Variants in CEP112 observed in about 807,000 individuals in gnomAD.
The protein encoded by CEP112 is centrosomal protein of 112 kDa.
Under a neutral mutation model 153.0 loss-of-function variants are expected in CEP112, and 127 were observed. The ratio of observed to expected loss-of-function variants is 0.83; its 90% CI spans 0.72 to 0.96. The LOEUF is 0.96. Ranked by LOEUF, CEP112 falls within the 40% of genes least tolerant of loss-of-function variation. The pLI, the probability that CEP112 is intolerant of heterozygous loss-of-function variation, is 0.00. For synonymous variants in CEP112, 358 were observed against 374.4 expected (o/e 0.96, Z 0.51); for missense variants, 1,089 against 1,101.2 (o/e 0.99, Z 0.16).
At chr17:65,827,990 T>C (rs1010268068) in intron 21 of CEP112, among the ~76,000 whole-genome samples, 2 of 152,236 alleles carry the variant, frequency 1.3e-5, no homozygotes, top group African/African-American at 2.4e-5. Flanking sequence ...TCCTTTTCAA[T>C]AGCACTTTGA....
chr17:65,906,481 TAGAAGA>T (rs750320724), intron 19 of CEP112, among the ~76,000 whole-genome samples: 1 of 152,128 alleles, frequency 6.6e-6, no homozygotes, highest in Non-Finnish European at 1.5e-5. Context: ...TATTGTTATT[TAGAAGA>T]AGAAAAGTAT....
intron 17 of CEP112, among the ~76,000 whole-genome samples, chr17:65,969,736 G>A (rs1483004383): frequency 1.3e-5 from 2 of 152,146 alleles, no homozygotes; most frequent in African/African-American, 2.4e-5. Flanking sequence ...TGTATTGCAT[G>A]CATACACTAC....
intron 17 of CEP112, among the ~76,000 whole-genome samples, chr17:65,963,519 T>C (rs1366755316): frequency 6.6e-6 from 1 of 152,086 alleles, no homozygotes; most frequent in Non-Finnish European, 1.5e-5. Flanking sequence ...CCCCACCAAA[T>C]TGAAAACCTC....
intron 17 of CEP112, among the ~76,000 whole-genome samples, chr17:65,974,323 C>T (rs1010672407): frequency 5.9e-5 from 9 of 152,064 alleles, no homozygotes; most frequent in African/African-American, 1.7e-4. Flanking sequence ...GCAATCTGCC[C>T]GCCTTGGCCT....
chr17:65,848,274 T>A (rs1252988338), intron 21 of CEP112, among the ~76,000 whole-genome samples: 1 of 152,206 alleles, frequency 6.6e-6, no homozygotes, highest in Non-Finnish European at 1.5e-5. Flanking sequence ...AAACCCTGTT[T>A]CTGGGCACAC....
chr17:65,837,592 C>G (rs2057366466), intron 21 of CEP112, among the ~76,000 whole-genome samples: 1 of 152,122 alleles, frequency 6.6e-6, no homozygotes, highest in Admixed American at 6.5e-5. Flanking sequence ...GGAGGTGTAC[C>G]CAACAGCTCA....
chr17:65,802,117 G>A (rs556768989), intron 21 of CEP112, among the ~76,000 whole-genome samples: 2 of 152,256 alleles, frequency 1.3e-5, no homozygotes, highest in East Asian at 3.9e-4. Context: ...TGTGGCAGCT[G>A]AAGTTTCTGC....
chr17:65,782,842 G>A (rs967522845), intron 21 of CEP112, among the ~76,000 whole-genome samples: 4 of 151,910 alleles, frequency 2.6e-5, no homozygotes, highest in African/African-American at 9.7e-5. Flanking sequence ...GGGTAGGGGT[G>A]GGAAAACTAA....
At chr17:65,716,701 C>T in intron 23 of CEP112, among the ~76,000 whole-genome samples, 1 of 152,052 alleles carries the variant, frequency 6.6e-6, no homozygotes, top group East Asian at 1.9e-4. Flanking sequence ...ATCTGGGATA[C>T]AAGGAACACA....
rs763670851 is a variant in CEP112 at position 65,951,737 on chromosome 17, T to TCCCGCGCCCC, written c.1872+9725_1872+9726insGGGGCGCGGG. Among the ~76,000 whole-genome samples, 77 of 96,968 alleles carry TCCCGCGCCCC rather than the reference T, an allele frequency of 7.9e-4. 12 individuals are homozygous for TCCCGCGCCCC. The East Asian group carries it at 8.6e-3, about 11-fold the overall frequency. The allele number at this position is 96,968 out of a possible 152,430, so 63.6% of individuals were successfully genotyped here. On this transcript the variant is annotated intron_variant, in intron 18 of 26. Transcript: ENST00000535342. Reference sequence around the variant, plus strand: ...CAATCTTAGCTTTCTGCTCTAATCTTCCCCCGCCCCCCCCTTTCTTCCACT... The same window carrying TCCCGCGCCCC: ...CAATCTTAGCTTTCTGCTCTAATCTTCCCGCGCCCCCCCCCGCCCCCCCCTTTCTTCCACT...
chr17:65,690,446 A>AAT (rs1192519500), intron 23 of CEP112, among the ~76,000 whole-genome samples: 17 of 151,012 alleles, frequency 1.1e-4, no homozygotes, highest in African/African-American at 4.2e-4. Context: ...AAAAAAAAAA[A>AAT]AATCCTTGCA....
intron 23 of CEP112, among the ~76,000 whole-genome samples, chr17:65,730,236 G>A (rs1216548775): frequency 6.6e-6 from 1 of 152,310 alleles, no homozygotes; most frequent in African/African-American, 2.4e-5. Context: ...GAATAGAATC[G>A]GAGGGAAGCT....
chr17:65,891,959 A>G (rs1456982619), intron 20 of CEP112, among the ~76,000 whole-genome samples: 1 of 152,068 alleles, frequency 6.6e-6, no homozygotes, highest in Non-Finnish European at 1.5e-5. Flanking sequence ...ATATCTCTCA[A>G]TTTTAATTCT....
intron 24 of CEP112, among the ~76,000 whole-genome samples, chr17:65,646,056 T>C (rs1320865060): frequency 6.6e-6 from 1 of 152,198 alleles, no homozygotes; most frequent in Non-Finnish European, 1.5e-5. Context: ...TTATGGTTGG[T>C]TTCTCTTGAC....
chr17:65,916,775 A>G (rs9905886), intron 19 of CEP112, among the ~76,000 whole-genome samples: 27,798 of 151,572 alleles, frequency 0.18, 2,745 homozygotes, highest in Admixed American at 0.28. Flanking sequence ...TCTCACTCCT[A>G]GCTCCAAGCA....
At chr17:66,018,643 T>C (rs1390657185) in intron 16 of CEP112, among the ~76,000 whole-genome samples, 6 of 152,222 alleles carry the variant, frequency 3.9e-5, no homozygotes, top group African/African-American at 1.4e-4. Context: ...AGTTCAAAAA[T>C]ACTATCCAAT....
intron 17 of CEP112, among the ~76,000 whole-genome samples, chr17:65,994,732 G>A (rs1021775065): frequency 6.6e-6 from 1 of 152,144 alleles, no homozygotes; most frequent in African/African-American, 2.4e-5. Context: ...AGCCAAACAT[G>A]TAAAAAAGAA....
intron 20 of CEP112, among the ~76,000 whole-genome samples, chr17:65,868,119 T>C (rs1448125643): frequency 6.6e-6 from 1 of 152,152 alleles, no homozygotes; most frequent in Non-Finnish European, 1.5e-5. Context: ...GTCAAAGTTA[T>C]GAATGAGGCA....
At chr17:65,639,703 T>A (rs1039591898) in intron 25 of CEP112, among the ~76,000 whole-genome samples, 5 of 137,364 alleles carry the variant, frequency 3.6e-5, no homozygotes, top group African/African-American at 1.3e-4. Context: ...AAAAAAAAAA[T>A]CAAAGTGTAT....
Sources: gnomAD v4.1 joint callset for allele counts (sites outside exome capture counted in the v4.1 genomes callset) on GRCh38, gnomAD v4.1.1 for gene constraint, MANE v1.5 for transcripts, NCBI Gene and HGNC (gene_info 2026-07-23, HGNC 2026-07-21) for gene names.